Variants in LRFN1 observed in about 807,000 individuals in gnomAD.
LRFN1 encodes leucine-rich repeat and fibronectin type III domain-containing protein 1.
LRFN1 carries 20 observed loss-of-function variants against 31.8 expected under a neutral mutation model. The ratio of observed to expected loss-of-function variants is 0.63; its 90% CI spans 0.44 to 0.91. The LOEUF is 0.91. Among genes scored for constraint, LRFN1 ranks in the 40% least tolerant of loss-of-function variants. The pLI is 0.00. For missense variants in LRFN1, 912 were observed against 1,129.8 expected (o/e 0.81, Z 2.76); for synonymous variants, 514 against 541.3 (o/e 0.95, Z 0.70).
chr19:39,309,272 A>G (rs1311495795), intron 4 of LRFN1, among the ~76,000 whole-genome samples: 1 of 152,034 alleles, frequency 6.6e-6, no homozygotes, highest in Non-Finnish European at 1.5e-5. Flanking sequence ...CCTGGCCAAC[A>G]TGGTAACCCT....
intron 4 of LRFN1, among the ~76,000 whole-genome samples, chr19:39,312,051 G>A (rs535237928): frequency 3.9e-5 from 6 of 152,012 alleles, no homozygotes; most frequent in Admixed American, 6.6e-5. Context: ...TGTATTTTCC[G>A]TAGAGACAGG....
chr19:39,315,370 A>T lies in LRFN1; in HGVS notation c.-34T>A. 1 of 1,427,140 alleles carries T rather than the reference A, an allele frequency of 7.0e-7. No homozygotes were observed. 88.4% of individuals were successfully genotyped at this position (1,427,140 alleles called of 1,614,324 possible). A position where few individuals can be genotyped will look rare whatever the true frequency, so the allele number is the denominator to read the frequency against. On this transcript the variant is annotated 5_prime_UTR_variant, in exon 4 of 5. Transcript: ENST00000248668. The surrounding 1 kb of genome is among the most constrained non-coding windows in gnomAD (Gnocchi z 4.7). Reference sequence around the variant, plus strand: ...GGGAAGGCAGGAGGGGTGGGAGGTGAGACCTGCCGGGGAAGGAGCCGGTTA... The same window carrying T: ...GGGAAGGCAGGAGGGGTGGGAGGTGTGACCTGCCGGGGAAGGAGCCGGTTA...
chr19:39,307,844 T>G lies in LRFN1; in HGVS notation c.2105A>C (p.Gln702Pro). The G allele has an allele frequency of 4.6e-6, 7 of 1,515,630 alleles. No individual in the cohort carries two copies. The highest frequency in any genetic ancestry group is 1.4e-5 in the African/African-American group (1 of 69,584). 93.9% of individuals were successfully genotyped at this position (1,515,630 alleles called of 1,614,324 possible). ...GTAGTCCCCGTCGAACGAATAGCGC[T>G]GCTGCGGCCTCGGCCGGGCCGCGGC... ...GGAAARPRPQ[Q>P]RYSFDGDYGA... The change falls in exon 5 of 5, where the codon CAG becomes CCG. Residue 702 changes from glutamine (Q) to proline (P), a missense_variant. By Grantham distance (76) the Gln-to-Pro change is moderately conservative. Coordinates refer to ENST00000248668, the MANE Select transcript of LRFN1 (RefSeq NM_020862.2). This position sits in a 1 kb window ranked among gnomAD's most constrained non-coding sequence, Gnocchi z 6.7.
intron 2 of LRFN1, among the ~76,000 whole-genome samples, chr19:39,317,883 C>T (rs1236436847): frequency 6.6e-6 from 1 of 152,116 alleles, no homozygotes; most frequent in Non-Finnish European, 1.5e-5. Flanking sequence ...TTCTCAGCCA[C>T]CAGGAGGTCA....
intron 2 of LRFN1, among the ~76,000 whole-genome samples, chr19:39,317,243 A>G (rs1279231918): frequency 6.6e-6 from 1 of 152,200 alleles, no homozygotes; most frequent in African/African-American, 2.4e-5. Context: ...AGAAAAAGAC[A>G]GAGGAGGAAA....
chr19:39,307,199 G>T lies in LRFN1; in HGVS notation c.*434C>A, dbSNP rs2075131710. The T allele has an allele frequency of 2.5e-6, 1 of 397,164 alleles. No individual in the cohort carries two copies. Among genetic ancestry groups the T allele is most frequent in the African/African-American group, 2.1e-5 (1 of 48,678 alleles). 24.6% of individuals were successfully genotyped at this position (397,164 alleles called of 1,614,324 possible). On this transcript the variant is annotated 3_prime_UTR_variant, in exon 5 of 5. Transcript: ENST00000248668. This position sits in a 1 kb window ranked among gnomAD's most constrained non-coding sequence, Gnocchi z 6.7. The stretch of plus-strand genomic sequence containing the variant: ...GGGGTGGGAGGCTTTGGAGGCCGCC[G>T]CGGGACAGAATAGGATCTAGTCCAG...
chr19:39,313,569 G>A (rs1408443544), intron 4 of LRFN1, among the ~76,000 whole-genome samples: 17 of 152,188 alleles, frequency 1.1e-4, no homozygotes. Flanking sequence ...GTAAATGTGT[G>A]TGTGTGTTTC....
chr19:39,317,420 T>G (rs2075175401), intron 2 of LRFN1, among the ~76,000 whole-genome samples: 1 of 152,070 alleles, frequency 6.6e-6, no homozygotes. Flanking sequence ...ACTCCAGAAT[T>G]AGGAGCCTGA....
intron 1 of LRFN1, 43 bp downstream of exon 1, chr19:39,320,750 C>T (rs2075186121): frequency 6.7e-6 from 1 of 148,246 alleles, no homozygotes; most frequent in Admixed American, 6.7e-5. Context: ...CACACACCCG[C>T]GCCCCCGCCC....
chr19:39,310,209 C>T (rs988130467), intron 4 of LRFN1, among the ~76,000 whole-genome samples: 1 of 152,210 alleles, frequency 6.6e-6, no homozygotes, highest in African/African-American at 2.4e-5. Flanking sequence ...CCATCCGCCT[C>T]GATCTCCCAA....
At position 39,315,375 on chromosome 19, in the gene LRFN1, T is replaced by A. The variant is rs943353698; in HGVS notation, c.-37-2A>T. The A allele has an allele frequency of 1.4e-6, 2 of 1,422,924 alleles. No individual in the cohort carries two copies. Among genetic ancestry groups the A allele is most frequent in the African/African-American group, 2.9e-5 (2 of 69,326 alleles). 88.1% of individuals were successfully genotyped at this position (1,422,924 alleles called of 1,614,324 possible). A position where few individuals can be genotyped will look rare whatever the true frequency, so the allele number is the denominator to read the frequency against. Reference sequence around the variant, plus strand: ...GGCAGGAGGGGTGGGAGGTGAGACCTGCCGGGGAAGGAGCCGGTTACCCAG... The same window carrying A: ...GGCAGGAGGGGTGGGAGGTGAGACCAGCCGGGGAAGGAGCCGGTTACCCAG... On this transcript the variant is annotated splice_acceptor_variant, in intron 3 of 4. Transcript: ENST00000248668. LOFTEE classifies it low-confidence loss of function (5UTR_SPLICE). This position sits in a 1 kb window ranked among gnomAD's most constrained non-coding sequence, Gnocchi z 4.7.
intron 4 of LRFN1, among the ~76,000 whole-genome samples, chr19:39,312,208 A>G (rs1490853821): frequency 6.6e-6 from 1 of 151,414 alleles, no homozygotes; most frequent in African/African-American, 2.4e-5. Flanking sequence ...CTGGGAAAGC[A>G]CCTACTATGT....
chr19:39,312,190 A>G (rs2075153067), intron 4 of LRFN1, among the ~76,000 whole-genome samples: 1 of 151,622 alleles, frequency 6.6e-6, no homozygotes, highest in Admixed American at 6.6e-5. Context: ...TTTTTCATTC[A>G]ACCAACACTG....
chr19:39,308,456 T>C lies in LRFN1; in HGVS notation c.1493A>G (p.Asp498Gly), dbSNP rs866085342. 1 of 1,609,326 alleles carries C rather than the reference T, an allele frequency of 6.2e-7. No individual in the cohort carries two copies. The highest frequency in any genetic ancestry group is 8.5e-7 in the Non-Finnish European group (1 of 1,179,636). ...AYDLCVLAVY[D>G]DGATALPATR... ...TGCCGGCAGCGCTGTGGCCCCGTCG[T>C]CGTAGACCGCCAGCACGCACAAGTC... Residue 498 changes from aspartate (D) to glycine (G), a missense_variant, in exon 5 of 5, where the codon GAC (aspartate) becomes GGC (glycine). Physicochemically the swap from Asp to Gly is moderately conservative, Grantham distance 94. Transcript: ENST00000248668. This position sits in a 1 kb window ranked among gnomAD's most constrained non-coding sequence, Gnocchi z 6.2.
rs751083190 is a variant in LRFN1 at position 39,308,917 on chromosome 19, A to AT, written c.1407-376dup. Among the ~76,000 whole-genome samples, 32 of 152,158 alleles carry AT rather than the reference A, an allele frequency of 2.1e-4. No homozygotes were observed. Among genetic ancestry groups the AT allele is most frequent in the Non-Finnish European group, 3.2e-4 (22 of 68,024 alleles). ...TCTCACTCTTGCTAGGACAACTGCC[A>AT]TTCAAGGTCCTTCATCTAGGCATTT... On this transcript the variant is annotated intron_variant, in intron 4 of 4. Transcript: ENST00000248668. The surrounding 1 kb of genome is among the most constrained non-coding windows in gnomAD (Gnocchi z 6.2).
At chr19:39,316,876 G>C (rs191097619) in intron 2 of LRFN1, among the ~76,000 whole-genome samples, 1 of 152,242 alleles carries the variant, frequency 6.6e-6, no homozygotes, top group Admixed American at 6.5e-5. Context: ...CCCTAAAACT[G>C]TTTTCACCCC....
At chr19:39,317,073 G>A (rs1417760670) in intron 2 of LRFN1, among the ~76,000 whole-genome samples, 1 of 152,102 alleles carries the variant, frequency 6.6e-6, no homozygotes, top group African/African-American at 2.4e-5. Context: ...GACTGGCAAA[G>A]AGAGAGAGAC....
intron 4 of LRFN1, among the ~76,000 whole-genome samples, chr19:39,311,378 C>T (rs981866624): frequency 1.3e-5 from 2 of 152,072 alleles, no homozygotes; most frequent in African/African-American, 4.8e-5. Context: ...CATGCAGGGT[C>T]TGGGGGCTTG....
rs1239678845 is a variant in LRFN1, at chr19:39,308,152, C to T, written c.1797G>A (p.Leu599=). The change falls in exon 5 of 5, where the codon CTG becomes CTA. Residue 599 remains leucine, a synonymous_variant. Transcript: ENST00000248668. The surrounding 1 kb of genome is among the most constrained non-coding windows in gnomAD (Gnocchi z 6.2). ...GCGCCTCGTAGTGGTCCTGGGCCGG[C>T]AGGGCCGGGGCCTGTGCCGCGCCTG... The part of the protein sequence containing the change: ...AGTGAAQAPA[L]PAQDHYEALR... 5 of 1,543,372 alleles carry T rather than the reference C, an allele frequency of 3.2e-6. No homozygotes were observed. Among genetic ancestry groups the T allele is most frequent in the Non-Finnish European group, 1.7e-6 (2 of 1,146,800 alleles).
Sources: gnomAD v4.1 joint callset for allele counts (sites outside exome capture counted in the v4.1 genomes callset) on GRCh38, gnomAD v4.1.1 for gene constraint, Gnocchi (gnomAD v3.1) non-coding constraint, MANE v1.5 for transcripts, NCBI Gene and HGNC (gene_info 2026-07-23, HGNC 2026-07-21) for gene names.